The following TRANK1 variants were observed in gnomAD, a reference collection of about 807,000 sequenced individuals.
TRANK1 encodes the protein TPR and ankyrin repeat-containing protein 1.
TRANK1 carries 198 observed loss-of-function variants against 266.0 expected under a neutral mutation model. The ratio of observed to expected loss-of-function variants is 0.74; its 90% CI spans 0.66 to 0.84. The LOEUF (loss-of-function observed/expected upper bound fraction) is 0.84, where lower values mean the gene tolerates loss of function less well. Ranked by LOEUF, TRANK1 falls within the 40% of genes least tolerant of loss-of-function variation. The pLI, the probability that TRANK1 is intolerant of heterozygous loss-of-function variation, is 0.00. For synonymous variants in TRANK1, 1,396 were observed against 1,384.1 expected (o/e 1.01, Z -0.19); for missense variants, 3,326 against 3,634.6 (o/e 0.92, Z 2.18).
In TRANK1 at chr3:36,903,283, A is replaced by T. The variant is rs1432709110; in HGVS notation, c.156-8T>A. ...AAGTCCCTCGGGGGAACCCTGTAAG[A>T]ACAAACCGGTGGTCTGTCATGGTTC... On this transcript the variant is annotated splice_polypyrimidine_tract_variant and splice_region_variant and intron_variant, in intron 2 of 23. Transcript: ENST00000645898. 1.0e-5 allele frequency: 16 copies of T among 1,536,702 alleles called. No individual in the cohort carries two copies. The highest frequency in any genetic ancestry group is 1.4e-5 in the Non-Finnish European group (16 of 1,146,464).
At chr3:36,858,137 G>A (rs2079085618) in intron 12 of TRANK1, 88 bp from the exon 13 acceptor site, 1 of 1,138,540 alleles carries the variant, frequency 8.8e-7, no homozygotes, top group Non-Finnish European at 1.2e-6. Context: ...ATGCCAGCCA[G>A]GGGCATCTCA....
At chr3:36,922,470 T>C (rs1380851868) in intron 1 of TRANK1, among the ~76,000 whole-genome samples, 4 of 151,974 alleles carry the variant, frequency 2.6e-5, no homozygotes, top group Non-Finnish European at 5.9e-5. Flanking sequence ...CCGGGTGTGG[T>C]GGTGGGTGTC....
chr3:36,848,717 G>A (rs2078947135), intron 15 of TRANK1, among the ~76,000 whole-genome samples: 1 of 152,186 alleles, frequency 6.6e-6, no homozygotes. Context: ...TTAGGTAGTT[G>A]GAAGGTTTAA....
intron 8 of TRANK1, among the ~76,000 whole-genome samples, chr3:36,886,225 C>T (rs933220794): frequency 4.7e-5 from 7 of 148,962 alleles, no homozygotes; most frequent in Middle Eastern, 3.5e-3. Flanking sequence ...ACCTCCGCCT[C>T]CCAAGTTCAA....
intron 3 of TRANK1, among the ~76,000 whole-genome samples, chr3:36,902,100 A>T: frequency 6.6e-6 from 1 of 152,188 alleles, no homozygotes; most frequent in East Asian, 1.9e-4. Context: ...ACTGACACTA[A>T]CAATAGCTGA....
chr3:36,869,786 T>C (rs528199535), intron 9 of TRANK1, among the ~76,000 whole-genome samples: 2 of 152,394 alleles, frequency 1.3e-5, no homozygotes, highest in East Asian at 3.9e-4. Flanking sequence ...AAATGAAATT[T>C]CTGGTTCTTC....
At chr3:36,935,434 A>C (rs2080411634) in intron 1 of TRANK1, among the ~76,000 whole-genome samples, 1 of 146,312 alleles carries the variant, frequency 6.8e-6, no homozygotes, top group Non-Finnish European at 1.5e-5. Flanking sequence ...TCCCTAGAAG[A>C]TGCCTGAATT....
At chr3:36,828,853 G>T (rs1032758099) in intron 23 of TRANK1, among the ~76,000 whole-genome samples, 1 of 152,152 alleles carries the variant, frequency 6.6e-6, no homozygotes, top group African/African-American at 2.4e-5. Context: ...AAATGCTAAA[G>T]ATTTTTTATT....
Position 36,848,405 on chromosome 3 carries a change from C to A in TRANK1, c.4888-1059G>T, listed in dbSNP as rs2078942958. ...AAAACTGAAGTGCCCAGATTACATG[C>A]AGAATTTAGAATTCAAAATTCTTAA... On this transcript the variant is annotated intron_variant, in intron 15 of 23. Coordinates refer to ENST00000645898, the MANE Select transcript of TRANK1 (RefSeq NM_001329998.2). 2.0e-5 allele frequency among the ~76,000 whole-genome samples: 3 copies of A among 152,274 alleles called. No individual in the cohort carries two copies. The South Asian group carries it at 6.2e-4, about 32-fold the overall frequency.
chr3:36,944,502 T>A (rs2080543459), intron 1 of TRANK1, among the ~76,000 whole-genome samples: 1 of 152,134 alleles, frequency 6.6e-6, no homozygotes, highest in Non-Finnish European at 1.5e-5. Flanking sequence ...GCGGCTTCGA[T>A]GCCGGGGTGG....
chr3:36,879,675 T>TATATAAATATATAAATATAA (rs2079454690), intron 8 of TRANK1, among the ~76,000 whole-genome samples: 1 of 96,630 alleles, frequency 1.0e-5, no homozygotes, highest in African/African-American at 5.0e-5. Context: ...TATATATAAA[T>TATATAAATATATAAATATAA]ATATAAATAT....
At chr3:36,939,097 A>T (rs1365567978) in intron 1 of TRANK1, among the ~76,000 whole-genome samples, 1 of 152,110 alleles carries the variant, frequency 6.6e-6, no homozygotes, top group Non-Finnish European at 1.5e-5. Context: ...AGACCGCACC[A>T]CTGTACTCCA....
rs760848620 is a variant in TRANK1, at chr3:36,857,857, T to C, written c.1865A>G (p.Asn622Ser). Residue 622 changes from asparagine to serine, a missense_variant, in exon 13 of 24, where the codon AAT (asparagine) becomes AGT (serine). Physicochemically the swap from Asn to Ser is conservative, Grantham distance 46. Coordinates refer to ENST00000645898, the MANE Select transcript of TRANK1 (RefSeq NM_001329998.2). This position sits in a 1 kb window ranked among gnomAD's most constrained non-coding sequence, Gnocchi z 4.3. ...ATCTTTGCCCTCTTTGTTCTTCAGA[T>C]TGAAGTTGATGTCAAACTTCACCAG... ...DLLVKFDINF[N>S]LKNKEGKDAR... The C allele has an allele frequency of 1.2e-6, 2 of 1,613,672 alleles. No individual in the cohort carries two copies. The highest frequency in any genetic ancestry group is 1.7e-5 in the Admixed American group (1 of 60,032).
chr3:36,924,386 C>T (rs2080259404), intron 1 of TRANK1, among the ~76,000 whole-genome samples: 1 of 152,174 alleles, frequency 6.6e-6, no homozygotes, highest in Non-Finnish European at 1.5e-5. Flanking sequence ...CCTGAAGTGG[C>T]ACCGCTCCCA....
chr3:36,868,164 C>A (rs983829466), intron 9 of TRANK1, among the ~76,000 whole-genome samples: 1 of 152,148 alleles, frequency 6.6e-6, no homozygotes, highest in Non-Finnish European at 1.5e-5. Context: ...TTTTATTAAC[C>A]TTTCTTAAAT....
chr3:36,918,522 A>AAG (rs1559473312), intron 1 of TRANK1, among the ~76,000 whole-genome samples: 5 of 28,974 alleles, frequency 1.7e-4, no homozygotes, highest in African/African-American at 4.5e-4. Flanking sequence ...AAAGAAAGAA[A>AAG]GAAAGAAAGA....
chr3:36,937,505 C>T (rs2080440829), intron 1 of TRANK1, among the ~76,000 whole-genome samples: 1 of 152,136 alleles, frequency 6.6e-6, no homozygotes, highest in Admixed American at 6.5e-5. Flanking sequence ...ATATAAAAAT[C>T]TGTGTTAACA....
chr3:36,848,789 G>A (rs532448274), intron 15 of TRANK1, among the ~76,000 whole-genome samples: 2 of 152,354 alleles, frequency 1.3e-5, no homozygotes, highest in South Asian at 2.1e-4. Flanking sequence ...CAACAAAATT[G>A]TTTACCAAGG....
At chr3:36,924,790 C>T (rs1169488766) in intron 1 of TRANK1, among the ~76,000 whole-genome samples, 3 of 152,146 alleles carry the variant, frequency 2.0e-5, no homozygotes, top group Admixed American at 1.3e-4. Context: ...AAAAAAAGTC[C>T]CACATGCTTG....
Sources: gnomAD v4.1 joint callset for allele counts (sites outside exome capture counted in the v4.1 genomes callset) on GRCh38, gnomAD v4.1.1 for gene constraint, Gnocchi (gnomAD v3.1) non-coding constraint, MANE v1.5 for transcripts, NCBI Gene and HGNC (gene_info 2026-07-23, HGNC 2026-07-21) for gene names.